Variants in UBASH3B observed in about 807,000 individuals in gnomAD.
The protein encoded by UBASH3B is ubiquitin associated and SH3 domain containing B.
UBASH3B carries 37 observed loss-of-function variants against 83.4 expected under a neutral mutation model. That is an observed-to-expected ratio of 0.44 (90% CI 0.34 to 0.58). The LOEUF (loss-of-function observed/expected upper bound fraction) is 0.58, where lower values mean the gene tolerates loss of function less well. UBASH3B is among the 20% of genes least tolerant of loss of function. The pLI, the probability that UBASH3B is intolerant of heterozygous loss-of-function variation, is 0.01. For missense variants in UBASH3B, 657 were observed against 827.2 expected (o/e 0.79, Z 2.52); for synonymous variants, 304 against 318.3 (o/e 0.96, Z 0.48).
chr11:122,798,632 A>G (rs994455421), intron 9 of UBASH3B, among the ~76,000 whole-genome samples: 5 of 146,300 alleles, frequency 3.4e-5, no homozygotes, highest in Non-Finnish European at 7.5e-5. Context: ...AATGGCTTGA[A>G]CCCGGGAGGC....
intron 1 of UBASH3B, among the ~76,000 whole-genome samples, chr11:122,701,504 C>T (rs745563077): frequency 9.2e-5 from 14 of 152,092 alleles, no homozygotes; most frequent in Non-Finnish European, 1.6e-4. Context: ...CAGTTTCCAA[C>T]GTCTGTGTAC....
intron 1 of UBASH3B, among the ~76,000 whole-genome samples, chr11:122,746,009 C>T (rs773928409): frequency 2.0e-5 from 3 of 152,194 alleles, no homozygotes; most frequent in Non-Finnish European, 2.9e-5. Flanking sequence ...GAGCCTGGCA[C>T]GGGACCTCGT....
chr11:122,768,504 G>GTA lies in UBASH3B; in HGVS notation c.162-7714_162-7713insAT, dbSNP rs747038629. Among the ~76,000 whole-genome samples, 1,020 of 135,178 alleles carry GTA rather than the reference G, an allele frequency of 7.5e-3. 2 individuals carry two copies. Among genetic ancestry groups the GTA allele is most frequent in the African/African-American group, 0.017 (571 of 33,854 alleles). The allele number at this position is 135,178 out of a possible 152,430, so 88.7% of individuals were successfully genotyped here. ...TGTGTGTGTGTGTGTGTGTGTGTGT[G>GTA]TGTGTATATATATATATTTGAGACT... On this transcript the variant is annotated intron_variant, in intron 1 of 13. Coordinates refer to ENST00000284273, the MANE Select transcript of UBASH3B (RefSeq NM_032873.5).
intron 5 of UBASH3B, among the ~76,000 whole-genome samples, chr11:122,786,760 G>A (rs1860961761): frequency 1.3e-5 from 2 of 152,222 alleles, no homozygotes; most frequent in South Asian, 4.1e-4. Flanking sequence ...TTCAAACTTA[G>A]GCTAAGGTTT....
chr11:122,798,586 C>A (rs180748293), intron 9 of UBASH3B, among the ~76,000 whole-genome samples: 18 of 151,962 alleles, frequency 1.2e-4, no homozygotes, highest in African/African-American at 4.3e-4. Context: ...TGGTGCGCGC[C>A]TGTACTCCCA....
intron 1 of UBASH3B, among the ~76,000 whole-genome samples, chr11:122,752,322 A>G (rs1861212374): frequency 6.6e-6 from 1 of 152,212 alleles, no homozygotes; most frequent in African/African-American, 2.4e-5. Flanking sequence ...ACAATCAGAA[A>G]AAAAGTCCAC....
Position 122,779,603 on chromosome 11 carries a change from CCAACTTCATCGGCCTCTTTGT to C in UBASH3B, c.510_530del (p.Asn171_Val177del), listed in dbSNP as rs1209237003. On this transcript the variant is annotated inframe_deletion, in exon 4 of 14. Transcript: ENST00000284273. Reference sequence around the variant, plus strand: ...CTGCCCCTGGAGCTCTATACGTCGTCCAACTTCATCGGCCTCTTTGTAAAGGAAGACAGTGCGGAGGTCCTC... The same window carrying C: ...CTGCCCCTGGAGCTCTATACGTCGTCAAAGGAAGACAGTGCGGAGGTCCTC... 6.2e-7 allele frequency: 1 copy of C among 1,614,190 alleles called. No individual in the cohort carries two copies.
At chr11:122,663,943 C>T (rs765525583) in intron 1 of UBASH3B, among the ~76,000 whole-genome samples, 12 of 152,296 alleles carry the variant, frequency 7.9e-5, no homozygotes, top group Non-Finnish European at 1.5e-4. Flanking sequence ...AGCTGGAGAG[C>T]GCCTGGCATT....
chr11:122,805,261 G>A (rs1227428153), intron 11 of UBASH3B, among the ~76,000 whole-genome samples: 3 of 152,350 alleles, frequency 2.0e-5, no homozygotes, highest in Middle Eastern at 3.4e-3. Context: ...TGGGTGCAGT[G>A]GCTCATGCCT....
chr11:122,691,136 C>T (rs549885690), intron 1 of UBASH3B, among the ~76,000 whole-genome samples: 10 of 152,282 alleles, frequency 6.6e-5, no homozygotes, highest in Non-Finnish European at 8.8e-5. Context: ...CTCTCCAAAA[C>T]GGAGTTTTTC....
chr11:122,706,230 C>T (rs944679613), intron 1 of UBASH3B, among the ~76,000 whole-genome samples: 5 of 151,314 alleles, frequency 3.3e-5, no homozygotes, highest in African/African-American at 1.2e-4. Flanking sequence ...ATTTTTCTGC[C>T]TCAGCCTCCC....
intron 1 of UBASH3B, among the ~76,000 whole-genome samples, chr11:122,690,213 A>ATTATATATATATATATCCAATT (rs1863873360): frequency 7.9e-5 from 1 of 12,658 alleles, no homozygotes; most frequent in Non-Finnish European, 2.0e-4. Flanking sequence ...TATATATCCA[A>ATTATATATATATATATCCAATT]TTATATATAT....
At chr11:122,681,241 C>T (rs1565527023) in intron 1 of UBASH3B, among the ~76,000 whole-genome samples, 1 of 152,120 alleles carries the variant, frequency 6.6e-6, no homozygotes, top group Non-Finnish European at 1.5e-5. Flanking sequence ...TGTAGGGTGT[C>T]TAAGTGATTT....
At chr11:122,792,695 A>G (rs1219949275) in intron 6 of UBASH3B, among the ~76,000 whole-genome samples, 1 of 152,198 alleles carries the variant, frequency 6.6e-6, no homozygotes, top group Admixed American at 6.6e-5. Context: ...GGTCTATTAT[A>G]CTGTGTGAAC....
chr11:122,684,553 A>G (rs1863785149), intron 1 of UBASH3B, among the ~76,000 whole-genome samples: 1 of 152,200 alleles, frequency 6.6e-6, no homozygotes, highest in South Asian at 2.1e-4. Flanking sequence ...TATTTGGTTC[A>G]GTTTCCTGAA....
At chr11:122,690,182 A>ATATATATATATATCCAAT (rs1358952188) in intron 1 of UBASH3B, among the ~76,000 whole-genome samples, 25 of 29,796 alleles carry the variant, frequency 8.4e-4, no homozygotes, top group African/African-American at 2.1e-3. Context: ...ATATATATAT[A>ATATATATATATATCCAAT]TATATATATA....
intron 5 of UBASH3B, among the ~76,000 whole-genome samples, chr11:122,788,681 C>A (rs1202920503): frequency 6.8e-6 from 1 of 147,418 alleles, no homozygotes; most frequent in African/African-American, 2.7e-5. Context: ...CCCTCTGTAA[C>A]CCCCGTATGG....
chr11:122,665,303 G>T (rs1170279478), intron 1 of UBASH3B, among the ~76,000 whole-genome samples: 1 of 152,142 alleles, frequency 6.6e-6, no homozygotes, highest in Admixed American at 6.5e-5. Context: ...TCAGCCTTCT[G>T]AACAGTGAGA....
intron 1 of UBASH3B, among the ~76,000 whole-genome samples, chr11:122,674,150 A>C (rs1020803794): frequency 6.6e-6 from 1 of 152,226 alleles, no homozygotes; most frequent in African/African-American, 2.4e-5. Flanking sequence ...AAACCAAATA[A>C]GTATACAGCA....
Sources: allele counts gnomAD v4.1 joint callset (sites outside exome capture counted in the v4.1 genomes callset), GRCh38; gene constraint gnomAD v4.1.1; transcripts MANE v1.5; gene names NCBI Gene and HGNC (gene_info 2026-07-23, HGNC 2026-07-21).